ZFYVE1: variants seen among roughly 807,000 people sequenced by gnomAD.
The protein encoded by ZFYVE1 is zinc finger FYVE domain-containing protein 1.
A neutral mutation model predicts 74.4 loss-of-function variants in ZFYVE1; 30 were observed. The observed-to-expected ratio is 0.40, with a 90% CI of 0.30 to 0.55. ZFYVE1 has a LOEUF of 0.55. ZFYVE1 is among the 20% of genes least tolerant of loss of function. The pLI, the probability that ZFYVE1 is intolerant of heterozygous loss-of-function variation, is 0.42. For missense variants in ZFYVE1, 703 were observed against 1,011.6 expected (o/e 0.69, Z 4.14); for synonymous variants, 335 against 385.1 (o/e 0.87, Z 1.52).
intron 2 of ZFYVE1, among the ~76,000 whole-genome samples, chr14:73,021,475 G>C (rs1198152527): frequency 1.3e-5 from 2 of 152,276 alleles, no homozygotes; most frequent in Non-Finnish European, 2.9e-5. Context: ...CATAGGCCAT[G>C]AAACATGGTC....
chr14:72,974,828 C>A lies in ZFYVE1; in HGVS notation c.1938G>T (p.Ala646=), dbSNP rs139386200. The change falls in exon 10 of 12, where the codon GCG becomes GCT. Residue 646 remains alanine, a synonymous_variant. Coordinates refer to ENST00000556143, the MANE Select transcript of ZFYVE1 (RefSeq NM_021260.4). ...AGCAGTTGTCACAGACCCGCACTGG[C>A]GCAGGGCCCCAGCCCCGCTCAGGCA... ...RPVPERGWGP[A]PVRVCDNCYE... 4 of 1,612,748 alleles carry A rather than the reference C, an allele frequency of 2.5e-6. No individual in the cohort carries two copies. In the Admixed American group the frequency reaches 5.0e-5, roughly 20 times the overall value.
In ZFYVE1 at chr14:72,974,777, A is replaced by G; in HGVS notation, c.1987+2T>C. ...CCCTGCAGCTCCCAGGTCCCACGTT[A>G]CCTAACTGGACGTTCCTGGCTTCGT... On this transcript the variant is annotated splice_donor_variant, in intron 10 of 11. Transcript: ENST00000556143. LOFTEE classifies it high-confidence loss of function. 6.3e-7 allele frequency: 1 copy of G among 1,593,174 alleles called. No individual in the cohort carries two copies. Among genetic ancestry groups the G allele is most frequent in the East Asian group, 2.3e-5 (1 of 44,244 alleles).
chr14:73,008,806 T>C (rs1420342570), intron 2 of ZFYVE1, among the ~76,000 whole-genome samples: 1 of 152,140 alleles, frequency 6.6e-6, no homozygotes, highest in East Asian at 1.9e-4. Context: ...GGTCTTTCAT[T>C]CTGGAATGAT....
At chr14:73,015,834 T>G (rs1046163855) in intron 2 of ZFYVE1, among the ~76,000 whole-genome samples, 3 of 152,176 alleles carry the variant, frequency 2.0e-5, no homozygotes, top group African/African-American at 2.4e-5. Context: ...TTGGGCACGG[T>G]GGCTCACGCC....
chr14:73,023,178 A>ATATATATTTTATATATGTTT (rs1894355271), intron 2 of ZFYVE1, among the ~76,000 whole-genome samples: 1 of 137,576 alleles, frequency 7.3e-6, no homozygotes, highest in South Asian at 2.1e-4. Flanking sequence ...ATATATATAT[A>ATATATATTTTATATATGTTT]TATATATATA....
At chr14:73,000,767 A>G (rs557102922) in intron 2 of ZFYVE1, among the ~76,000 whole-genome samples, 1 of 152,322 alleles carries the variant, frequency 6.6e-6, no homozygotes, top group African/African-American at 2.4e-5. Context: ...GTCCACACAA[A>G]TCTTCTAAGT....
In ZFYVE1 at chr14:73,018,899, G is replaced by A. The variant is rs368983865; in HGVS notation, c.483+5127C>T. Among the ~76,000 whole-genome samples, 85 of 150,878 alleles carry A rather than the reference G, an allele frequency of 5.6e-4. 2 individuals carry two copies. The East Asian group carries it at 0.011, about 19-fold the overall frequency. On this transcript the variant is annotated intron_variant, in intron 2 of 11. Coordinates refer to ENST00000556143, the MANE Select transcript of ZFYVE1 (RefSeq NM_021260.4). ...GCGGAGGTTGTAGTGAGCCAAGATCGTGCCACTGAACTCCAGCCTGGGTGA... is the reference window on the plus strand; with the variant it reads ...GCGGAGGTTGTAGTGAGCCAAGATCATGCCACTGAACTCCAGCCTGGGTGA...
chr14:72,997,686 C>G, intron 3 of ZFYVE1, 125 bp downstream of exon 3: 1 of 1,287,184 alleles, frequency 7.8e-7, no homozygotes, highest in Non-Finnish European at 1.1e-6. Context: ...GAAACACTTT[C>G]TATGTCTTCT....
rs774212738 is a variant in ZFYVE1, at chr14:72,993,300, C to T, written c.1046G>A (p.Arg349His). The change falls in exon 4 of 12, where the codon CGT (arginine) becomes CAT (histidine). Residue 349 changes from arginine to histidine, a missense_variant. Physicochemically the swap from Arg to His is conservative, Grantham distance 29. Around this residue, in one of 2 missense-constraint regions of ZFYVE1, gnomAD observed 492 missense variants for 790.0 expected, o/e 0.62. Transcript: ENST00000556143. ...AATGGAACTAAAGGCTTCAGGGAAA[C>T]GGCCCAGCTTCCGGAACCGGTCCTG... ...LIQDRFRKLGRFPEAFSSIHY... is the reference protein window; with the variant it reads ...LIQDRFRKLGHFPEAFSSIHY... 2.3e-5 allele frequency: 37 copies of T among 1,613,290 alleles called. No individual in the cohort carries two copies. The highest frequency in any genetic ancestry group is 4.4e-5 in the South Asian group (4 of 91,054).
At chr14:73,004,104 C>T (rs1232635068) in intron 2 of ZFYVE1, among the ~76,000 whole-genome samples, 2 of 152,166 alleles carry the variant, frequency 1.3e-5, no homozygotes, top group Non-Finnish European at 2.9e-5. Flanking sequence ...CAAGAAGTTA[C>T]ACAGAATAGC....
intron 5 of ZFYVE1, among the ~76,000 whole-genome samples, chr14:72,980,536 A>T (rs4272968): frequency 0.33 from 26,380 of 80,100 alleles, 2,529 homozygotes; most frequent in South Asian, 0.37. Flanking sequence ...AGAATTAATT[A>T]ATTTATTTAT....
At chr14:73,025,951 T>A (rs1412045752) in intron 1 of ZFYVE1, among the ~76,000 whole-genome samples, 2 of 151,944 alleles carry the variant, frequency 1.3e-5, no homozygotes, top group African/African-American at 4.8e-5. Context: ...CTAATGAAAA[T>A]GTAATAATAA....
rs1892985916 is a variant in ZFYVE1 at position 72,969,904 on chromosome 14, C to A, written c.*978G>T. 1.6e-6 allele frequency: 1 copy of A among 606,522 alleles called. No individual in the cohort carries two copies. The highest frequency in any genetic ancestry group is 2.8e-5 in the East Asian group (1 of 36,220). 37.6% of individuals were successfully genotyped at this position (606,522 alleles called of 1,614,324 possible). A position where few individuals can be genotyped will look rare whatever the true frequency, so the allele number is the denominator to read the frequency against. On this transcript the variant is annotated 3_prime_UTR_variant, in exon 12 of 12. Coordinates refer to ENST00000556143, the MANE Select transcript of ZFYVE1 (RefSeq NM_021260.4). ...TGCTCAGTTTCCCTGGAAGGTTTCTCATGATCGCCCCTCCGAGAGCTAGAG... is the reference window on the plus strand; with the variant it reads ...TGCTCAGTTTCCCTGGAAGGTTTCTAATGATCGCCCCTCCGAGAGCTAGAG...
At chr14:73,006,250 G>A (rs954986026) in intron 2 of ZFYVE1, among the ~76,000 whole-genome samples, 2 of 151,808 alleles carry the variant, frequency 1.3e-5, no homozygotes, top group East Asian at 3.9e-4. Flanking sequence ...TGGCTTTAGA[G>A]CTGGCTCTTA....
intron 4 of ZFYVE1, among the ~76,000 whole-genome samples, chr14:72,983,305 G>A (rs1193556818): frequency 6.6e-6 from 1 of 150,680 alleles, no homozygotes; most frequent in South Asian, 2.1e-4. Flanking sequence ...CCATTAACTC[G>A]TCATTTACAT....
In ZFYVE1 at chr14:73,024,713, T is replaced by A. The variant is rs1894419799; in HGVS notation, c.-205A>T. On this transcript the variant is annotated 5_prime_UTR_variant, in exon 2 of 12. An upstream open reading frame in the 5' UTR loses its in-frame stop. Coordinates refer to ENST00000556143, the MANE Select transcript of ZFYVE1 (RefSeq NM_021260.4). Reference sequence around the variant, plus strand: ...ATTTGCTGCCTCTAAGACTCTTGTATTAGCAGCAACGTTGATTTGGTTTGA... The same window carrying A: ...ATTTGCTGCCTCTAAGACTCTTGTAATAGCAGCAACGTTGATTTGGTTTGA... 4.5e-6 allele frequency: 3 copies of A among 671,036 alleles called. No individual in the cohort carries two copies. The highest frequency in any genetic ancestry group is 7.0e-6 in the Non-Finnish European group (3 of 430,594). The allele number at this position is 671,036 out of a possible 1,614,324, so 41.6% of individuals were successfully genotyped here. A position where few individuals can be genotyped will look rare whatever the true frequency, so the allele number is the denominator to read the frequency against.
At chr14:73,008,323 C>A (rs987886694) in intron 2 of ZFYVE1, among the ~76,000 whole-genome samples, 2 of 152,078 alleles carry the variant, frequency 1.3e-5, no homozygotes, top group African/African-American at 4.8e-5. Context: ...CCACACCCAG[C>A]TAATTTTGTA....
chr14:72,987,134 C>T (rs1246675419), intron 4 of ZFYVE1: 1 of 181,570 alleles, frequency 5.5e-6, no homozygotes, highest in African/African-American at 2.4e-5. Context: ...AATTTCCTGA[C>T]TCAAAAGGGA....
At chr14:72,994,701 T>C (rs918614702) in intron 3 of ZFYVE1, among the ~76,000 whole-genome samples, 2 of 152,220 alleles carry the variant, frequency 1.3e-5, no homozygotes, top group Non-Finnish European at 2.9e-5. Flanking sequence ...CAGCTCAATA[T>C]TGGCCCTTTC....
Sources: gnomAD v4.1 joint callset for allele counts (sites outside exome capture counted in the v4.1 genomes callset) on GRCh38, gnomAD v4.1.1 for gene constraint, gnomAD v4.1.1 regional missense constraint, MANE v1.5 for transcripts, NCBI Gene and HGNC (gene_info 2026-07-23, HGNC 2026-07-21) for gene names.